Variants in CCDC172 observed in about 807,000 individuals in gnomAD.
The protein encoded by CCDC172 is coiled-coil domain containing 172, also known as coiled-coil domain-containing protein 172.
A neutral mutation model predicts 38.0 loss-of-function variants in CCDC172; 30 were observed. That is an observed-to-expected ratio of 0.79 (90% CI 0.59 to 1.07). CCDC172 has a LOEUF of 1.07. Among genes scored for constraint, CCDC172 ranks in the 50% least tolerant of loss-of-function variants. The pLI is 0.00. For synonymous variants in CCDC172, 78 were observed against 88.3 expected, an observed-to-expected ratio of 0.88 and a Z score of 0.66; for missense variants, 297 against 290.1, an observed-to-expected ratio of 1.02 and a Z score of -0.17.
At chr10:116,340,393 A>C (rs955042404) in intron 3 of CCDC172, among the ~76,000 whole-genome samples, 1 of 151,906 alleles carries the variant, frequency 6.6e-6, no homozygotes, top group Non-Finnish European at 1.5e-5. Flanking sequence ...ATCTAAAAAC[A>C]AACAGTCTTA....
intron 7 of CCDC172, among the ~76,000 whole-genome samples, chr10:116,373,024 G>A (rs1026082701): frequency 6.6e-6 from 1 of 152,090 alleles, no homozygotes; most frequent in Non-Finnish European, 1.5e-5. Flanking sequence ...GAAAAGGGCT[G>A]TATAAGTTTT....
intron 3 of CCDC172, among the ~76,000 whole-genome samples, chr10:116,338,423 G>A (rs941363501): frequency 1.3e-5 from 2 of 152,066 alleles, no homozygotes; most frequent in African/African-American, 4.8e-5. Flanking sequence ...GACAGAAAGG[G>A]AATGAAGAGG....
chr10:116,331,756 C>T (rs1158376084), intron 3 of CCDC172, among the ~76,000 whole-genome samples: 1 of 151,928 alleles, frequency 6.6e-6, no homozygotes, highest in Non-Finnish European at 1.5e-5. Flanking sequence ...CCTGGCTGTT[C>T]GACATATTCC....
intron 3 of CCDC172, among the ~76,000 whole-genome samples, chr10:116,330,256 G>A (rs941195678): frequency 1.6e-4 from 25 of 152,276 alleles, no homozygotes; most frequent in South Asian, 2.1e-4. Context: ...TGGCAGCTTG[G>A]CAGCTTCCTG....
At chr10:116,364,258 A>T (rs1845097621) in intron 7 of CCDC172, among the ~76,000 whole-genome samples, 1 of 152,220 alleles carries the variant, frequency 6.6e-6, no homozygotes, top group South Asian at 2.1e-4. Context: ...AATATTATTT[A>T]GTCTATCAAT....
At chr10:116,358,042 A>T in intron 7 of CCDC172, 104 bp downstream of exon 7, 1 of 650,826 alleles carries the variant, frequency 1.5e-6, no homozygotes, top group Non-Finnish European at 2.7e-6. Flanking sequence ...GAAGTTCCAG[A>T]TGAGGACATT....
At chr10:116,335,161 A>T (rs1306932466) in intron 3 of CCDC172, among the ~76,000 whole-genome samples, 1 of 152,020 alleles carries the variant, frequency 6.6e-6, no homozygotes, top group African/African-American at 2.4e-5. Context: ...GTCCCACTCC[A>T]AGATTTTAAA....
chr10:116,337,841 A>G (rs1589948933), intron 3 of CCDC172, among the ~76,000 whole-genome samples: 1 of 152,174 alleles, frequency 6.6e-6, no homozygotes, highest in Non-Finnish European at 1.5e-5. Flanking sequence ...CTATCAATAC[A>G]TTCAGGGTTA....
Position 116,350,391 on chromosome 10 carries a change from A to G in CCDC172, c.449-6989A>G, listed in dbSNP as rs577413235. ...GTTCTAAATATGTTTTGAAGGTAGC[A>G]AGGAGGATTTCAAGATGGACTTGAT... On this transcript the variant is annotated intron_variant, in intron 5 of 8. Coordinates refer to ENST00000333254, the MANE Select transcript of CCDC172 (RefSeq NM_198515.3). 3.1e-4 allele frequency among the ~76,000 whole-genome samples: 47 copies of G among 152,318 alleles called. 1 individual carries two copies. The South Asian group carries it at 8.1e-3, about 26-fold the overall frequency.
At chr10:116,358,064 T>C (rs7909371) in intron 7 of CCDC172, 126 bp downstream of exon 7, 95,855 of 599,794 alleles carry the variant, frequency 0.16, 12,661 homozygotes, top group African/African-American at 0.47. Flanking sequence ...TTTTCTTCTC[T>C]GTGTATTCTG....
intron 7 of CCDC172, among the ~76,000 whole-genome samples, chr10:116,360,136 A>G (rs936801401): frequency 6.6e-6 from 1 of 152,222 alleles, no homozygotes; most frequent in Non-Finnish European, 1.5e-5. Flanking sequence ...GACTTATAGA[A>G]TATTGCTATG....
intron 3 of CCDC172, among the ~76,000 whole-genome samples, chr10:116,336,302 T>C (rs1417088663): frequency 6.7e-6 from 1 of 148,982 alleles, no homozygotes; most frequent in African/African-American, 2.4e-5. Flanking sequence ...TTACATATGA[T>C]ACATACGTAA....
At position 116,347,980 on chromosome 10, in the gene CCDC172, C is replaced by G. The variant is rs180923234; in HGVS notation, c.448+5779C>G. The stretch of plus-strand genomic sequence containing the variant: ...GCACTCTTAGTCTTCTAATGTATTA[C>G]TGAATTTTATTTGATAACATCTTCT... On this transcript the variant is annotated intron_variant, in intron 5 of 8. Transcript: ENST00000333254. Among the ~76,000 whole-genome samples the G allele has an allele frequency of 4.8e-3, 735 of 152,188 alleles. 5 individuals carry two copies. Among genetic ancestry groups the G allele is most frequent in the African/African-American group, 0.017 (706 of 41,532 alleles).
At chr10:116,328,371 A>G (rs552631623) in intron 3 of CCDC172, among the ~76,000 whole-genome samples, 1 of 152,254 alleles carries the variant, frequency 6.6e-6, no homozygotes, top group East Asian at 1.9e-4. Flanking sequence ...AACTTCTGAT[A>G]GTTAAGGAAA....
At chr10:116,343,576 G>C (rs771208303) in intron 5 of CCDC172, among the ~76,000 whole-genome samples, 3 of 143,670 alleles carry the variant, frequency 2.1e-5, no homozygotes, top group Non-Finnish European at 4.5e-5. Flanking sequence ...CAATTGTCCT[G>C]TGCCTGCTTC....
At chr10:116,363,565 T>G (rs962297810) in intron 7 of CCDC172, among the ~76,000 whole-genome samples, 19 of 152,182 alleles carry the variant, frequency 1.2e-4, no homozygotes, top group African/African-American at 4.6e-4. Flanking sequence ...CAGTGGAAAG[T>G]AGGAAGAACT....
chr10:116,377,041 G>C (rs1446513802), intron 7 of CCDC172, among the ~76,000 whole-genome samples: 2 of 152,102 alleles, frequency 1.3e-5, no homozygotes, highest in Admixed American at 6.6e-5. Flanking sequence ...TATGGGGTAG[G>C]GGGAGAGGGG....
At chr10:116,355,473 T>C (rs997442827) in intron 5 of CCDC172, among the ~76,000 whole-genome samples, 2 of 152,150 alleles carry the variant, frequency 1.3e-5, no homozygotes. Context: ...TAAGGACTTT[T>C]TTCTCAGAAC....
intron 5 of CCDC172, among the ~76,000 whole-genome samples, chr10:116,352,905 T>C (rs557380550): frequency 1.3e-5 from 2 of 152,070 alleles, no homozygotes; most frequent in South Asian, 4.1e-4. Flanking sequence ...TTAGAGCTAA[T>C]AAACAAGGCC....
Sources: gnomAD v4.1 joint callset for allele counts (sites outside exome capture counted in the v4.1 genomes callset) on GRCh38, gnomAD v4.1.1 for gene constraint, MANE v1.5 for transcripts, NCBI Gene and HGNC (gene_info 2026-07-23, HGNC 2026-07-21) for gene names.